The following AP1S3 variants were observed in gnomAD, a reference collection of about 807,000 sequenced individuals.
The protein encoded by AP1S3 is AP-1 complex subunit sigma-3.
A neutral mutation model predicts 20.9 loss-of-function variants in AP1S3; 10 were observed. The ratio of observed to expected loss-of-function variants is 0.48; its 90% CI spans 0.29 to 0.81. AP1S3 has a LOEUF of 0.81. Among genes scored for constraint, AP1S3 ranks in the 30% least tolerant of loss-of-function variants. The pLI, the probability that AP1S3 is intolerant of heterozygous loss-of-function variation, is 0.08. For missense variants in AP1S3, 154 were observed against 183.8 expected (o/e 0.84, Z 0.94); for synonymous variants, 41 against 61.5 (o/e 0.67, Z 1.56).
chr2:223,813,343 C>T (rs933153559), intron 1 of AP1S3, among the ~76,000 whole-genome samples: 7 of 152,084 alleles, frequency 4.6e-5, no homozygotes, highest in African/African-American at 9.7e-5. Context: ...TCAGCCTCTC[C>T]GTGACAAATA....
rs190748708 is a variant in AP1S3 at position 223,790,525 on chromosome 2, C to T, written c.4-12656G>A. 1.1e-4 allele frequency among the ~76,000 whole-genome samples: 17 copies of T among 152,168 alleles called. No individual in the cohort carries two copies. In the East Asian group the frequency reaches 2.3e-3, roughly 21 times the overall value. ...CTGAGATTACAGGCGTGAGCCACTG[C>T]GCCCAGTAATCGTTTGATTTTACCT... On this transcript the variant is annotated intron_variant, in intron 1 of 4. Transcript: ENST00000396654.
chr2:223,824,051 G>T (rs941590515), intron 1 of AP1S3, among the ~76,000 whole-genome samples: 3 of 152,150 alleles, frequency 2.0e-5, no homozygotes, highest in African/African-American at 7.2e-5. Context: ...GAGCGCAGTG[G>T]TGTGATCATG....
At position 223,809,337 on chromosome 2, in the gene AP1S3, T is replaced by A. The variant is rs745703462; in HGVS notation, c.3+28111A>T. ...CTCATGGGCCCCTCCCTTACCCCCA[T>A]TGAATCTGTTCAAAACCCCACTTCT... On this transcript the variant is annotated intron_variant, in intron 1 of 4. Coordinates refer to ENST00000396654, the MANE Select transcript of AP1S3 (RefSeq NM_001039569.2). Among the ~76,000 whole-genome samples the A allele has an allele frequency of 3.3e-5, 5 of 152,212 alleles. No individual in the cohort carries two copies. In the East Asian group the frequency reaches 7.7e-4, roughly 24 times the overall value.
At chr2:223,823,182 GC>G (rs1204809412) in intron 1 of AP1S3, among the ~76,000 whole-genome samples, 1 of 152,072 alleles carries the variant, frequency 6.6e-6, no homozygotes, top group African/African-American at 2.4e-5. Context: ...CAGTATCAAG[GC>G]CCCCCAAAAA....
intron 1 of AP1S3, among the ~76,000 whole-genome samples, chr2:223,825,869 TAGTC>T (rs1013990934): frequency 6.6e-6 from 1 of 151,860 alleles, no homozygotes; most frequent in Non-Finnish European, 1.5e-5. Context: ...AGACAAAAAT[TAGTC>T]AGGTGTGGTG....
At position 223,756,554 on chromosome 2, in the gene AP1S3, A is replaced by C; in HGVS notation, c.*2161T>G. The C allele has an allele frequency of 1.0e-6, 1 of 985,468 alleles. No homozygotes were observed. 61.0% of individuals were successfully genotyped at this position (985,468 alleles called of 1,614,324 possible). A position where few individuals can be genotyped will look rare whatever the true frequency, so the allele number is the denominator to read the frequency against. On this transcript the variant is annotated 3_prime_UTR_variant, in exon 5 of 5. Transcript: ENST00000396654. ...AAACTGAAGGTTAGCTAAAGTAAAC[A>C]CAGTGGTCAATCATACATGATAAAC... is the stretch of plus-strand genomic sequence containing the variant.
chr2:223,784,387 T>C (rs1333135577), intron 1 of AP1S3, among the ~76,000 whole-genome samples: 2 of 152,142 alleles, frequency 1.3e-5, no homozygotes, highest in African/African-American at 4.8e-5. Flanking sequence ...TGCATACCTG[T>C]GTGCACAGAC....
intron 1 of AP1S3, 51 bp downstream of exon 1, chr2:223,837,397 A>T: frequency 1.8e-6 from 2 of 1,101,894 alleles, no homozygotes; most frequent in Non-Finnish European, 2.3e-6. Context: ...GCCTCCCCGG[A>T]GCGCGAGCGC....
intron 3 of AP1S3, chr2:223,770,096 C>G: frequency 3.4e-6 from 5 of 1,461,268 alleles, no homozygotes; most frequent in Non-Finnish European, 4.6e-6. Flanking sequence ...TAAAAATATG[C>G]ATCATTTTTG....
chr2:223,759,527 T>C (rs1690302439), intron 4 of AP1S3, among the ~76,000 whole-genome samples: 1 of 152,216 alleles, frequency 6.6e-6, no homozygotes, highest in African/African-American at 2.4e-5. Context: ...TTCTTAAGAA[T>C]TTCTTTACTT....
chr2:223,780,334 G>T (rs1205779578), intron 1 of AP1S3, among the ~76,000 whole-genome samples: 7 of 126,542 alleles, frequency 5.5e-5, no homozygotes, highest in African/African-American at 1.9e-4. Context: ...GAGAGAGAGA[G>T]AGAGAGAGAG....
At chr2:223,799,916 T>C (rs1416211836) in intron 1 of AP1S3, among the ~76,000 whole-genome samples, 3 of 124,140 alleles carry the variant, frequency 2.4e-5, no homozygotes, top group African/African-American at 9.3e-5. Context: ...CATTCAAAAA[T>C]CAATTAATGT....
chr2:223,757,565 G>A lies in AP1S3; in HGVS notation c.*1150C>T, dbSNP rs1378755708. The A allele has an allele frequency of 1.0e-6, 1 of 983,140 alleles. No individual in the cohort carries two copies. Among genetic ancestry groups the A allele is most frequent in the Non-Finnish European group, 1.2e-6 (1 of 827,970 alleles). 60.9% of individuals were successfully genotyped at this position (983,140 alleles called of 1,614,324 possible). ...GGCCTCCCAAAGTGCTGGGATTACA[G>A]GTGTAAGCCACCACTCCCGGCCTAC... On this transcript the variant is annotated 3_prime_UTR_variant, in exon 5 of 5. Coordinates refer to ENST00000396654, the MANE Select transcript of AP1S3 (RefSeq NM_001039569.2).
chr2:223,755,784 C>T lies in AP1S3; in HGVS notation c.*2931G>A. The T allele has an allele frequency of 2.1e-6, 2 of 951,572 alleles. No homozygotes were observed. Among genetic ancestry groups the T allele is most frequent in the Non-Finnish European group, 2.5e-6 (2 of 799,180 alleles). The allele number at this position is 951,572 out of a possible 1,614,324, so 58.9% of individuals were successfully genotyped here. A position where few individuals can be genotyped will look rare whatever the true frequency, so the allele number is the denominator to read the frequency against. On this transcript the variant is annotated 3_prime_UTR_variant, in exon 5 of 5. Coordinates refer to ENST00000396654, the MANE Select transcript of AP1S3 (RefSeq NM_001039569.2). ...GACCTCAGGTGATCTGCCGCCTTGACCTCCCAAAGTGCTGGGATTACAGGC... is the reference window on the plus strand; with the variant it reads ...GACCTCAGGTGATCTGCCGCCTTGATCTCCCAAAGTGCTGGGATTACAGGC...
At chr2:223,810,081 G>C (rs888718740) in intron 1 of AP1S3, among the ~76,000 whole-genome samples, 1 of 151,972 alleles carries the variant, frequency 6.6e-6, no homozygotes, top group African/African-American at 2.4e-5. Context: ...GAGCTCCATG[G>C]GGCAATGATG....
chr2:223,762,161 C>T (rs926634674), intron 4 of AP1S3, among the ~76,000 whole-genome samples: 25 of 150,362 alleles, frequency 1.7e-4, no homozygotes, highest in African/African-American at 4.2e-4. Context: ...TTAGTAGAGA[C>T]GGAGTTTCAC....
At chr2:223,782,011 C>CT (rs35909928) in intron 1 of AP1S3, among the ~76,000 whole-genome samples, 10,807 of 128,382 alleles carry the variant, frequency 0.084, 800 homozygotes, top group East Asian at 0.41. Context: ...GGCTTTAAGT[C>CT]TTTTTTTTTT....
rs367972043 is a variant in AP1S3, at chr2:223,771,638, C to A, written c.291+4263G>T. On this transcript the variant is annotated intron_variant, in intron 3 of 4. Transcript: ENST00000396654. ...AAGGTTCTTTTCTTACAGCAGAATT[C>A]ATGGTGCAGTGAGATTATTTCTGGC... Among the ~76,000 whole-genome samples the A allele has an allele frequency of 2.6e-5, 4 of 152,314 alleles. No individual in the cohort carries two copies. The East Asian group carries it at 7.7e-4, about 29-fold the overall frequency.
intron 1 of AP1S3, among the ~76,000 whole-genome samples, chr2:223,805,486 G>T (rs952206817): frequency 2.0e-5 from 3 of 152,062 alleles, no homozygotes; most frequent in African/African-American, 4.8e-5. Context: ...TACTTCTGAA[G>T]ATTATGTTTC....
Sources: allele counts gnomAD v4.1 joint callset (sites outside exome capture counted in the v4.1 genomes callset), GRCh38; gene constraint gnomAD v4.1.1; transcripts MANE v1.5; gene names NCBI Gene and HGNC (gene_info 2026-07-23, HGNC 2026-07-21).